The following LARP4B variants were observed in gnomAD, a reference collection of about 807,000 sequenced individuals.
LARP4B encodes the protein la-related protein 4B.
LARP4B carries 12 observed loss-of-function variants against 89.8 expected under a neutral mutation model. The ratio of observed to expected loss-of-function variants is 0.13; its 90% CI spans 0.09 to 0.22. The LOEUF is 0.22. Ranked by LOEUF, LARP4B falls within the 10% of genes least tolerant of loss-of-function variation. The pLI, the probability that LARP4B is intolerant of heterozygous loss-of-function variation, is 1.00. For missense variants in LARP4B, 757 were observed against 947.7 expected (o/e 0.80, Z 2.64); for synonymous variants, 367 against 363.3 (o/e 1.01, Z -0.12).
At chr10:813,841 G>A (rs533104853) in intron 17 of LARP4B, among the ~76,000 whole-genome samples, 2 of 142,704 alleles carry the variant, frequency 1.4e-5, no homozygotes, top group Admixed American at 7.2e-5. Flanking sequence ...TCACTCTGTC[G>A]CACAGGCTGG....
chr10:827,077 C>G (rs981493313), intron 11 of LARP4B, among the ~76,000 whole-genome samples: 3 of 152,102 alleles, frequency 2.0e-5, no homozygotes, highest in Non-Finnish European at 4.4e-5. Flanking sequence ...AGATCAAGAC[C>G]ATCCTGGCTA....
At chr10:964,353 C>T in the LARP4B span, among the ~76,000 whole-genome samples, 1 of 152,236 alleles carries the variant, frequency 6.6e-6, no homozygotes, top group Non-Finnish European at 1.5e-5. Context: ...GCGTGGGTCA[C>T]CATGCCCAGC....
rs540880893 is a variant in LARP4B at position 870,860 on chromosome 10, T to C, written c.142-6590A>G. ...AGAATTCTCTACTATTTCTGACTTC[T>C]GTATAACTGGATTAACACTTGGACT... On this transcript the variant is annotated intron_variant, in intron 3 of 17. Transcript: ENST00000316157. Among the ~76,000 whole-genome samples the C allele has an allele frequency of 2.5e-4, 38 of 152,358 alleles. No homozygotes were observed. The South Asian group carries it at 7.7e-3, about 31-fold the overall frequency.
chr10:973,545 G>A, the LARP4B span, among the ~76,000 whole-genome samples: 1 of 151,966 alleles, frequency 6.6e-6, no homozygotes, highest in African/African-American at 2.4e-5. Context: ...TAGAGACGGG[G>A]TTTCACCATG....
At chr10:861,438 G>A (rs982347593) in intron 5 of LARP4B, among the ~76,000 whole-genome samples, 1 of 152,202 alleles carries the variant, frequency 6.6e-6, no homozygotes, top group African/African-American at 2.4e-5. Context: ...TTATAGGAGT[G>A]AGAGAGGGAG....
chr10:883,938 AT>A (rs1448514350), intron 3 of LARP4B, among the ~76,000 whole-genome samples: 1 of 152,142 alleles, frequency 6.6e-6, no homozygotes, highest in African/African-American at 2.4e-5. Flanking sequence ...ATCAAACTGA[AT>A]TTCCAGTAGT....
chr10:835,915 A>G (rs1324692454), intron 8 of LARP4B, among the ~76,000 whole-genome samples: 2 of 151,638 alleles, frequency 1.3e-5, no homozygotes, highest in East Asian at 3.9e-4. Flanking sequence ...CCTGGGCAAC[A>G]GAGCAAGACT....
the LARP4B span, among the ~76,000 whole-genome samples, chr10:964,705 C>T: frequency 2.6e-5 from 4 of 152,268 alleles, no homozygotes; most frequent in East Asian, 1.9e-4. Context: ...CTGAAGATAA[C>T]GCTGTTGGCC....
intron 5 of LARP4B, among the ~76,000 whole-genome samples, chr10:856,007 T>C (rs1834280835): frequency 2.0e-5 from 3 of 152,272 alleles, no homozygotes; most frequent in Admixed American, 1.3e-4. Flanking sequence ...TAGCTGCAGA[T>C]TCCTATGCAC....
At chr10:981,609 C>T in the LARP4B span, among the ~76,000 whole-genome samples, 7 of 152,196 alleles carry the variant, frequency 4.6e-5, no homozygotes, top group African/African-American at 1.4e-4. Flanking sequence ...CTCACTCTGT[C>T]GCCCAGACTG....
At chr10:936,164 C>T (rs1317660856), upstream of LARP4B, among the ~76,000 whole-genome samples, 1 of 152,146 alleles carries the variant, frequency 6.6e-6, no homozygotes, top group Non-Finnish European at 1.5e-5. Context: ...CAAATATTCA[C>T]TGAGTACCTA....
intron 15 of LARP4B, 186 bp from the exon 16 acceptor site, chr10:815,256 C>A (rs991035227): frequency 8.2e-6 from 4 of 487,340 alleles, no homozygotes; most frequent in Admixed American, 4.1e-5. Flanking sequence ...ATCGCCCACC[C>A]TTCTCTTTCT....
At chr10:864,340 G>C (rs1834781428) in intron 3 of LARP4B, 70 bp from the exon 4 acceptor site, 1 of 1,501,064 alleles carries the variant, frequency 6.7e-7, no homozygotes, top group African/African-American at 1.4e-5. Flanking sequence ...CATTAATGCA[G>C]AGTTAAGAGA....
intron 1 of LARP4B, among the ~76,000 whole-genome samples, chr10:926,826 CAGA>C (rs1425752243): frequency 6.6e-6 from 1 of 152,150 alleles, no homozygotes; most frequent in Non-Finnish European, 1.5e-5. Flanking sequence ...CACTTGAGGT[CAGA>C]AGTTCAAGAC....
At chr10:974,886 C>T in the LARP4B span, among the ~76,000 whole-genome samples, 3 of 152,232 alleles carry the variant, frequency 2.0e-5, no homozygotes, top group Non-Finnish European at 4.4e-5. Context: ...TCCCACTCTG[C>T]CATTCAAGGG....
At chr10:977,559 AAG>A in the LARP4B span, among the ~76,000 whole-genome samples, 4 of 151,610 alleles carry the variant, frequency 2.6e-5, no homozygotes, top group Admixed American at 1.3e-4. Context: ...AAAAAAAAAA[AAG>A]AGAGAGAGAG....
chr10:914,820 AC>A (rs1363245048), intron 1 of LARP4B, among the ~76,000 whole-genome samples: 1 of 41,496 alleles, frequency 2.4e-5, no homozygotes, highest in East Asian at 8.1e-4. Context: ...CCCACCGCCC[AC>A]CCCCCAGCAA....
At chr10:949,370 C>A in the LARP4B span, among the ~76,000 whole-genome samples, 1 of 151,998 alleles carries the variant, frequency 6.6e-6, no homozygotes, top group Non-Finnish European at 1.5e-5. Flanking sequence ...ATCTTACATC[C>A]CACCAGCCCC....
At chr10:859,657 A>C (rs1049494858) in intron 5 of LARP4B, among the ~76,000 whole-genome samples, 4 of 152,226 alleles carry the variant, frequency 2.6e-5, no homozygotes, top group Non-Finnish European at 4.4e-5. Context: ...ATGACTAAGT[A>C]ATTTGTAGTA....
Sources: gnomAD v4.1 joint callset for allele counts (sites outside exome capture counted in the v4.1 genomes callset) on GRCh38, gnomAD v4.1.1 for gene constraint, MANE v1.5 for transcripts, NCBI Gene and HGNC (gene_info 2026-07-23, HGNC 2026-07-21) for gene names.